Variants in CKAP5 observed in about 807,000 individuals in gnomAD.
CKAP5 encodes the protein cytoskeleton associated protein 5, also known as cytoskeleton-associated protein 5.
Under a neutral mutation model 232.8 loss-of-function variants are expected in CKAP5, and 27 were observed. That is an observed-to-expected ratio of 0.12 (90% CI 0.09 to 0.16). The LOEUF (loss-of-function observed/expected upper bound fraction) is 0.16, where lower values mean the gene tolerates loss of function less well. CKAP5 is among the 10% of genes least tolerant of loss of function. The pLI, the probability that CKAP5 is intolerant of heterozygous loss-of-function variation, is 1.00. For synonymous variants in CKAP5, 785 were observed against 841.1 expected (o/e 0.93, Z 1.16); for missense variants, 1,838 against 2,424.7 (o/e 0.76, Z 5.08).
chr11:46,755,071 A>G lies in CKAP5; in HGVS notation c.4690-4T>C, dbSNP rs761216712. ...CCTGTCTCAGGACCTCATCGATCTGATAACAAAAATTTCAAGATATATTTT... is the reference window on the plus strand; with the variant it reads ...CCTGTCTCAGGACCTCATCGATCTGGTAACAAAAATTTCAAGATATATTTT... On this transcript the variant is annotated splice_region_variant and splice_polypyrimidine_tract_variant and intron_variant, in intron 35 of 43. Coordinates refer to ENST00000529230, the MANE Select transcript of CKAP5 (RefSeq NM_001008938.4). 5 of 1,588,084 alleles carry G rather than the reference A, an allele frequency of 3.1e-6. No homozygotes were observed. The highest frequency in any genetic ancestry group is 1.2e-5 in the South Asian group (1 of 86,530).
chr11:46,781,613 C>T (rs1250776864), intron 18 of CKAP5, among the ~76,000 whole-genome samples: 1 of 152,186 alleles, frequency 6.6e-6, no homozygotes, highest in Admixed American at 6.5e-5. Context: ...ACTCCTACCA[C>T]AGAGCTTTTG....
At chr11:46,782,828 A>G (rs1369340084) in intron 18 of CKAP5, among the ~76,000 whole-genome samples, 1 of 152,248 alleles carries the variant, frequency 6.6e-6, no homozygotes, top group Middle Eastern at 3.2e-3. Context: ...AACTGTATAA[A>G]GTTTTGTTTT....
intron 4 of CKAP5, among the ~76,000 whole-genome samples, chr11:46,811,898 T>C (rs1313314179): frequency 3.9e-5 from 6 of 152,250 alleles, no homozygotes; most frequent in Non-Finnish European, 5.9e-5. Flanking sequence ...ATTAAAGTGA[T>C]TCATTTACCT....
Position 46,809,344 on chromosome 11 carries a change from C to A in CKAP5, c.864+56G>T. On this transcript the variant is annotated intron_variant, in intron 7 of 43. Transcript: ENST00000529230. ...AAGGGCTCAGCAGAGTATTCTAATT[C>A]TATTCAAGTAATTATTTTACAAGAA... 2.6e-6 allele frequency: 3 copies of A among 1,170,716 alleles called. No individual in the cohort carries two copies. In the East Asian group the frequency reaches 7.4e-5, roughly 29 times the overall value. 72.5% of individuals were successfully genotyped at this position (1,170,716 alleles called of 1,614,324 possible).
intron 15 of CKAP5, among the ~76,000 whole-genome samples, chr11:46,789,656 TGTG>T (rs535621812): frequency 0.022 from 3,351 of 151,394 alleles, 118 homozygotes; most frequent in African/African-American, 0.077. Flanking sequence ...ATTAGCCGGG[TGTG>T]GTGGTGGGCG....
intron 1 of CKAP5, among the ~76,000 whole-genome samples, chr11:46,833,529 G>C (rs936122590): frequency 6.6e-6 from 1 of 150,978 alleles, no homozygotes; most frequent in African/African-American, 2.4e-5. Flanking sequence ...GCCCAGGCTG[G>C]AGTGCACTGG....
chr11:46,831,001 C>T (rs549467402), intron 1 of CKAP5, among the ~76,000 whole-genome samples: 6 of 152,204 alleles, frequency 3.9e-5, no homozygotes, highest in African/African-American at 1.4e-4. Flanking sequence ...GGAGGCGGAG[C>T]TTGCAGTGAG....
chr11:46,815,386 C>CT (rs1191914888), intron 4 of CKAP5, among the ~76,000 whole-genome samples: 1 of 151,932 alleles, frequency 6.6e-6, no homozygotes, highest in Non-Finnish European at 1.5e-5. Flanking sequence ...GTCTTGCTCT[C>CT]TCACCCAGGC....
At chr11:46,817,637 T>C (rs1939433892) in intron 3 of CKAP5, among the ~76,000 whole-genome samples, 1 of 152,190 alleles carries the variant, frequency 6.6e-6, no homozygotes, top group Non-Finnish European at 1.5e-5. Context: ...GTAAGTCAAG[T>C]ATATATTTCT....
intron 8 of CKAP5, among the ~76,000 whole-genome samples, chr11:46,804,502 A>C (rs1301032153): frequency 1.3e-5 from 2 of 152,244 alleles, no homozygotes; most frequent in East Asian, 3.8e-4. Context: ...TAATTTAAAC[A>C]ATAGGAAATC....
At chr11:46,760,048 C>T (rs932430319) in intron 33 of CKAP5, among the ~76,000 whole-genome samples, 1 of 152,190 alleles carries the variant, frequency 6.6e-6, no homozygotes, top group Non-Finnish European at 1.5e-5. Flanking sequence ...ATAGAGCTGT[C>T]TTGCTTAGGA....
intron 13 of CKAP5, among the ~76,000 whole-genome samples, chr11:46,792,529 G>A (rs892317545): frequency 4.6e-5 from 7 of 151,244 alleles, no homozygotes; most frequent in Non-Finnish European, 1.0e-4. Context: ...CTCCAGCTTG[G>A]GGGATAAAAG....
At position 46,753,297 on chromosome 11, in the gene CKAP5, A is replaced by C. The variant is rs1310623943; in HGVS notation, c.5057+13T>G. 6.3e-7 allele frequency: 1 copy of C among 1,584,986 alleles called. No homozygotes were observed. Among genetic ancestry groups the C allele is most frequent in the African/African-American group, 1.4e-5 (1 of 72,938 alleles). On this transcript the variant is annotated intron_variant, in intron 37 of 43. Transcript: ENST00000529230. ...GATGCCCCAGGCTCTATTGGCTGAGAGTACAGATATACCTCAGGATGTTGG... is the reference window on the plus strand; with the variant it reads ...GATGCCCCAGGCTCTATTGGCTGAGCGTACAGATATACCTCAGGATGTTGG...
At chr11:46,803,697 T>A (rs1939088568) in intron 8 of CKAP5, among the ~76,000 whole-genome samples, 1 of 152,226 alleles carries the variant, frequency 6.6e-6, no homozygotes, top group Non-Finnish European at 1.5e-5. Context: ...GTAAAGCATG[T>A]TCTCCCTCTC....
chr11:46,824,339 A>G (rs1441425511), intron 1 of CKAP5, among the ~76,000 whole-genome samples: 1 of 152,238 alleles, frequency 6.6e-6, no homozygotes, highest in Admixed American at 6.5e-5. Flanking sequence ...TACACCAATG[A>G]TGGGAGACAG....
At chr11:46,786,543 T>A (rs1053104795) in intron 16 of CKAP5, among the ~76,000 whole-genome samples, 1 of 152,236 alleles carries the variant, frequency 6.6e-6, no homozygotes, top group African/African-American at 2.4e-5. Context: ...GAGTGGCAAC[T>A]GTTTAACATC....
intron 35 of CKAP5, among the ~76,000 whole-genome samples, chr11:46,756,719 G>C: frequency 6.6e-6 from 1 of 150,894 alleles, no homozygotes; most frequent in South Asian, 2.1e-4. Flanking sequence ...GTGTAGGACA[G>C]TTCTTCAGTG....
chr11:46,755,130 C>T, intron 35 of CKAP5, 63 bp from the exon 36 acceptor site: 1 of 1,221,586 alleles, frequency 8.2e-7, no homozygotes, highest in Non-Finnish European at 1.1e-6. Context: ...GCGGAAGACA[C>T]TATATGAAAC....
In CKAP5 at chr11:46,811,020, A is replaced by G. The variant is rs372412943; in HGVS notation, c.617T>C (p.Ile206Thr). The stretch of plus-strand genomic sequence containing the variant: ...TTTTTGTCTCACCTGAACAGAGTTT[A>G]TATTTTGTAATGGGGGTCTCAGAGC... ...RDALRPPLQN[I>T]NSVQLKELEE... Residue 206 changes from isoleucine (I) to threonine (T), a missense_variant, in exon 5 of 44, where the codon ATA becomes ACA. By Grantham distance (89) the Ile-to-Thr change is moderately conservative. Transcript: ENST00000529230. 4.3e-6 allele frequency: 7 copies of G among 1,612,222 alleles called. No individual in the cohort carries two copies. Among genetic ancestry groups the G allele is most frequent in the Non-Finnish European group, 2.5e-6 (3 of 1,179,496 alleles).
Sources: gnomAD v4.1 joint callset for allele counts (sites outside exome capture counted in the v4.1 genomes callset) on GRCh38, gnomAD v4.1.1 for gene constraint, MANE v1.5 for transcripts, NCBI Gene and HGNC (gene_info 2026-07-23, HGNC 2026-07-21) for gene names.